EIF2AK2: variants seen among roughly 807,000 people sequenced by gnomAD.
The protein encoded by EIF2AK2 is eukaryotic translation initiation factor 2 alpha kinase 2.
Under a neutral mutation model 70.5 loss-of-function variants are expected in EIF2AK2, and 40 were observed. The observed-to-expected ratio is 0.57, with a 90% CI of 0.44 to 0.74. The LOEUF (loss-of-function observed/expected upper bound fraction) is 0.74. Among genes scored for constraint, EIF2AK2 ranks in the 30% least tolerant of loss-of-function variants. EIF2AK2 has a pLI of 0.00. For synonymous variants in EIF2AK2, 198 were observed against 220.9 expected, an observed-to-expected ratio of 0.90 and a Z score of 0.92; for missense variants, 555 against 644.3, an observed-to-expected ratio of 0.86 and a Z score of 1.50.
intron 10 of EIF2AK2, among the ~76,000 whole-genome samples, chr2:37,128,973 C>G (rs2148688212): frequency 6.6e-6 from 1 of 152,290 alleles, no homozygotes; most frequent in East Asian, 1.9e-4. Context: ...CTCACTGAAG[C>G]TATGCTAAAA....
At chr2:37,131,507 C>G (rs752614958) in intron 10 of EIF2AK2, among the ~76,000 whole-genome samples, 2 of 152,152 alleles carry the variant, frequency 1.3e-5, no homozygotes, top group Non-Finnish European at 2.9e-5. Context: ...TCACCTCCAT[C>G]TCATCCTCTC....
At chr2:37,149,736 G>C (rs965585198) in intron 1 of EIF2AK2, among the ~76,000 whole-genome samples, 1 of 152,182 alleles carries the variant, frequency 6.6e-6, no homozygotes, top group African/African-American at 2.4e-5. Context: ...TAGTTCTTCA[G>C]TCTACAAATC....
At chr2:37,111,878 AATATATATATATATATATAT>A (rs869140054) in intron 14 of EIF2AK2, among the ~76,000 whole-genome samples, 1 of 69,126 alleles carries the variant, frequency 1.4e-5, no homozygotes, top group South Asian at 5.6e-4. Context: ...AAAAAAAAAA[AATATATATATATATATATAT>A]ATATATATAT....
rs1673917796 is a variant in EIF2AK2 at position 37,104,942 on chromosome 2, C to T, written c.*2331G>A. The T allele has an allele frequency of 6.6e-6, 1 of 152,176 alleles. No homozygotes were observed. Among genetic ancestry groups the T allele is most frequent in the Non-Finnish European group, 1.5e-5 (1 of 68,044 alleles). The allele number at this position is 152,176 out of a possible 1,614,324, so 9.4% of individuals were successfully genotyped here. A position where few individuals can be genotyped will look rare whatever the true frequency, so the allele number is the denominator to read the frequency against. ...TATTGTGGTGACCATTGTAAAGGTA[C>T]ATTTTCCCCTGTATAATTGATACCT... On this transcript the variant is annotated 3_prime_UTR_variant, in exon 17 of 17. Transcript: ENST00000233057.
chr2:37,147,961 ACTTTCTTTCAAAACCGTT>A (rs1463751596), intron 2 of EIF2AK2, 139 bp from the exon 3 acceptor site: 14 of 505,294 alleles, frequency 2.8e-5, no homozygotes, highest in Middle Eastern at 4.1e-4. Flanking sequence ...AAATGCAGAG[ACTTTCTTTCAAAACCGTT>A]CTTTCTTTCT....
chr2:37,139,388 GGT>G (rs1344392376), intron 6 of EIF2AK2, among the ~76,000 whole-genome samples: 1 of 151,110 alleles, frequency 6.6e-6, no homozygotes, highest in East Asian at 1.9e-4. Flanking sequence ...TGGGATTACA[GGT>G]GTGAGCCACC....
intron 10 of EIF2AK2, among the ~76,000 whole-genome samples, chr2:37,129,061 T>A (rs1674849873): frequency 6.6e-6 from 1 of 151,864 alleles, no homozygotes; most frequent in South Asian, 2.1e-4. Flanking sequence ...CCACCCCAGA[T>A]ATTCGGAAAA....
At chr2:37,121,217 T>C (rs931896158) in intron 12 of EIF2AK2, among the ~76,000 whole-genome samples, 46 of 124,196 alleles carry the variant, frequency 3.7e-4, no homozygotes, top group Admixed American at 3.2e-3. Flanking sequence ...GAGCCAAGAT[T>C]GCACCACTGC....
At chr2:37,155,896 G>A (rs1194191731) in intron 1 of EIF2AK2, among the ~76,000 whole-genome samples, 3 of 149,288 alleles carry the variant, frequency 2.0e-5, no homozygotes, top group African/African-American at 7.4e-5. Context: ...AGCCCAGATC[G>A]TGCCACTGCA....
chr2:37,156,937 C>G lies in EIF2AK2; in HGVS notation c.-213G>C, dbSNP rs1199150601. ...GCCGCCGCCGCCGCCGCCGCCGCCG[C>G]CGGCCGGAGACCCGCGGCTTCGGGA... On this transcript the variant is annotated 5_prime_UTR_variant, in exon 1 of 17. Coordinates refer to ENST00000233057, the MANE Select transcript of EIF2AK2 (RefSeq NM_001135651.3). 7 of 186,782 alleles carry G rather than the reference C, an allele frequency of 3.7e-5. No homozygotes were observed. Among genetic ancestry groups the G allele is most frequent in the Non-Finnish European group, 5.3e-5 (5 of 93,930 alleles). 11.6% of individuals were successfully genotyped at this position (186,782 alleles called of 1,614,324 possible).
intron 15 of EIF2AK2, among the ~76,000 whole-genome samples, chr2:37,108,500 C>T (rs992566462): frequency 1.3e-5 from 2 of 152,192 alleles, no homozygotes; most frequent in South Asian, 4.1e-4. Flanking sequence ...ATGCCTTCTC[C>T]TAAAATGCTT....
In EIF2AK2 at chr2:37,104,313, GCTTT is replaced by G. The variant is rs1673902862; in HGVS notation, c.*2956_*2959del. On this transcript the variant is annotated 3_prime_UTR_variant, in exon 17 of 17. Coordinates refer to ENST00000233057, the MANE Select transcript of EIF2AK2 (RefSeq NM_001135651.3). ...CTTTATAGCTGTTTGCTGGGTTGTT[GCTTT>G]CTTTTATTATTATTATTATTTAGAT... is the stretch of plus-strand genomic sequence containing the variant. 1 of 151,778 alleles carries G rather than the reference GCTTT, an allele frequency of 6.6e-6. No homozygotes were observed. The allele number at this position is 151,778 out of a possible 1,614,324, so 9.4% of individuals were successfully genotyped here.
intron 13 of EIF2AK2, 88 bp from the exon 14 acceptor site, chr2:37,114,947 A>G (rs1674283921): frequency 1.1e-6 from 1 of 906,114 alleles, no homozygotes; most frequent in Non-Finnish European, 1.5e-6. Context: ...GACTATTTTT[A>G]TATTATTTAT....
chr2:37,152,324 C>A (rs1047094908), intron 1 of EIF2AK2, among the ~76,000 whole-genome samples: 19 of 152,180 alleles, frequency 1.2e-4, no homozygotes, highest in Middle Eastern at 3.4e-3. Context: ...CTCTGTTGCC[C>A]AGGCTGGAGT....
intron 14 of EIF2AK2, among the ~76,000 whole-genome samples, chr2:37,110,635 T>C (rs1674112190): frequency 6.6e-6 from 1 of 152,192 alleles, no homozygotes; most frequent in Non-Finnish European, 1.5e-5. Context: ...AACCATCAGA[T>C]AGCTCAGTAT....
At chr2:37,156,059 A>G (rs1675911915) in intron 1 of EIF2AK2, among the ~76,000 whole-genome samples, 1 of 152,112 alleles carries the variant, frequency 6.6e-6, no homozygotes, top group African/African-American at 2.4e-5. Context: ...TTGTATAGGC[A>G]GGTTGTTTGA....
chr2:37,154,314 A>C (rs1211969383), intron 1 of EIF2AK2, among the ~76,000 whole-genome samples: 1 of 143,468 alleles, frequency 7.0e-6, no homozygotes, highest in Admixed American at 7.0e-5. Flanking sequence ...AACAAGAGCG[A>C]AACTCCGTCT....
intron 14 of EIF2AK2, among the ~76,000 whole-genome samples, chr2:37,113,480 A>G (rs549082449): frequency 1.6e-4 from 23 of 148,218 alleles, no homozygotes; most frequent in Admixed American, 2.7e-4. Context: ...CCTTGGTGAC[A>G]AGAGCAAAAC....
intron 1 of EIF2AK2, 53 bp from the exon 2 acceptor site, chr2:37,149,076 A>G: frequency 1.0e-6 from 1 of 962,534 alleles, no homozygotes; most frequent in South Asian, 1.3e-5. Flanking sequence ...TGGTTCAGAC[A>G]GACGAGTGAT....
Sources: gnomAD v4.1 joint callset for allele counts (sites outside exome capture counted in the v4.1 genomes callset) on GRCh38, gnomAD v4.1.1 for gene constraint, MANE v1.5 for transcripts, NCBI Gene and HGNC (gene_info 2026-07-23, HGNC 2026-07-21) for gene names.